The following MTMR8 variants were observed in gnomAD, a reference collection of about 807,000 sequenced individuals.
The protein encoded by MTMR8 is phosphatidylinositol-3,5-bisphosphate 3-phosphatase MTMR8.
MTMR8 carries 65 observed loss-of-function variants against 39.3 expected under a neutral mutation model. The ratio of observed to expected loss-of-function variants is 1.65; its 90% CI spans 1.35 to 2.03. The LOEUF (loss-of-function observed/expected upper bound fraction) is 2.03, where lower values mean the gene tolerates loss of function less well. Among genes scored for constraint, MTMR8 ranks in the 30% most tolerant of loss-of-function variants. The pLI is 0.00. For missense variants in MTMR8, 777 were observed against 538.9 expected, an observed-to-expected ratio of 1.44 and a Z score of -4.37; for synonymous variants, 245 against 185.2, an observed-to-expected ratio of 1.32 and a Z score of -2.62.
chrX:64,353,322 G>T (rs1007732406), intron 4 of MTMR8, among the ~76,000 whole-genome samples: 2 of 111,859 alleles, frequency 1.8e-5, no homozygotes, highest in Admixed American at 9.5e-5. Flanking sequence ...CAGAATAGGA[G>T]AAAATATTTG....
intron 12 of MTMR8, among the ~76,000 whole-genome samples, chrX:64,327,033 C>T (rs1292260126): frequency 9.0e-6 from 1 of 111,206 alleles, no homozygotes; most frequent in Non-Finnish European, 1.9e-5. Context: ...AAAATCAACT[C>T]AAAATGGATT....
intron 3 of MTMR8, among the ~76,000 whole-genome samples, chrX:64,355,464 T>C (rs751610502): frequency 1.8e-5 from 2 of 111,794 alleles, no homozygotes; most frequent in East Asian, 5.7e-4. Flanking sequence ...ATTTGACCAA[T>C]TTATATGGCA....
At chrX:64,318,245 G>A (rs1330171715) in intron 12 of MTMR8, among the ~76,000 whole-genome samples, 1 of 112,187 alleles carries the variant, frequency 8.9e-6, no homozygotes, top group East Asian at 2.8e-4. Context: ...GGGCCATTTG[G>A]GTATTTTGTG....
chrX:64,363,160 G>A (rs1047605481), intron 1 of MTMR8, among the ~76,000 whole-genome samples: 3 of 111,317 alleles, frequency 2.7e-5, no homozygotes, highest in African/African-American at 9.8e-5. Context: ...ATTCGGAAGG[G>A]CAATCTGGCA....
At chrX:64,279,106 G>A (rs769555378) in intron 12 of MTMR8, among the ~76,000 whole-genome samples, 1 of 111,884 alleles carries the variant, frequency 8.9e-6, no homozygotes, top group Non-Finnish European at 1.9e-5. Flanking sequence ...TGTGCTGGGA[G>A]ATCCACTGCT....
intron 1 of MTMR8, among the ~76,000 whole-genome samples, chrX:64,365,254 A>G (rs1047232794): frequency 1.8e-5 from 2 of 111,054 alleles, no homozygotes; most frequent in Non-Finnish European, 3.8e-5. Context: ...CAGGAAACAC[A>G]GAGAACACAA....
In MTMR8 at chrX:64,386,261, T is replaced by C. The variant is rs771275105; in HGVS notation, c.24+9079A>G. ...TTCCCCAATTCATGAATTAGATCTA[T>C]AACTAAATTTTCTTGTAATTTTGTC... On this transcript the variant is annotated intron_variant, in intron 1 of 13. Transcript: ENST00000374852. Among the ~76,000 whole-genome samples, 4 of 112,107 alleles carry C rather than the reference T, an allele frequency of 3.6e-5. No individual in the cohort carries two copies. In the East Asian group the frequency reaches 8.4e-4, roughly 24 times the overall value.
intron 12 of MTMR8, among the ~76,000 whole-genome samples, chrX:64,309,935 C>T (rs996960774): frequency 4.5e-4 from 50 of 111,784 alleles, no homozygotes; most frequent in African/African-American, 1.5e-3. Context: ...AGTCTTGCCT[C>T]GACGTTGATG....
chrX:64,371,642 G>A (rs1436145964), intron 1 of MTMR8, among the ~76,000 whole-genome samples: 1 of 111,018 alleles, frequency 9.0e-6, no homozygotes, highest in Non-Finnish European at 1.9e-5. Flanking sequence ...GAACATATAA[G>A]TATGAACCAG....
chrX:64,270,014 T>C (rs1026585448), intron 13 of MTMR8, among the ~76,000 whole-genome samples: 1 of 110,777 alleles, frequency 9.0e-6, no homozygotes, highest in Non-Finnish European at 1.9e-5. Context: ...GCACCTTCCC[T>C]GGCCTTGTGG....
chrX:64,295,725 A>C (rs922329308), intron 12 of MTMR8, among the ~76,000 whole-genome samples: 1 of 111,759 alleles, frequency 8.9e-6, no homozygotes, highest in Admixed American at 9.6e-5. Flanking sequence ...GCCACTAGTC[A>C]TAAGGAAAAT....
chrX:64,320,752 T>A (rs1922616268), intron 12 of MTMR8, among the ~76,000 whole-genome samples: 1 of 111,199 alleles, frequency 9.0e-6, no homozygotes, highest in South Asian at 3.8e-4. Flanking sequence ...TCAGACCTAT[T>A]CTCAGAAAAT....
chrX:64,381,861 A>G (rs750549984), intron 1 of MTMR8, among the ~76,000 whole-genome samples: 2 of 111,840 alleles, frequency 1.8e-5, no homozygotes, highest in East Asian at 2.8e-4. Flanking sequence ...TAAATAGGGA[A>G]TTGTTTCCCC....
intron 4 of MTMR8, among the ~76,000 whole-genome samples, chrX:64,353,603 A>T (rs1054722372): frequency 5.4e-5 from 6 of 111,958 alleles, no homozygotes. Context: ...ACTGGTGAGG[A>T]TATGGAGAAA....
intron 10 of MTMR8, 25 bp from the exon 11 acceptor site, chrX:64,331,782 G>GA (rs772419222): frequency 1.1e-5 from 12 of 1,124,984 alleles, no homozygotes; most frequent in African/African-American, 1.8e-5. Flanking sequence ...TAAAGGTAAA[G>GA]AAAGACACTA....
chrX:64,345,631 G>C (rs937942368), intron 6 of MTMR8, among the ~76,000 whole-genome samples: 2 of 111,528 alleles, frequency 1.8e-5, no homozygotes, highest in Non-Finnish European at 3.8e-5. Context: ...TTATTTAAGA[G>C]ACAGTGTCTC....
chrX:64,291,178 CT>C (rs762529804), intron 12 of MTMR8, among the ~76,000 whole-genome samples: 1 of 111,458 alleles, frequency 9.0e-6, no homozygotes, highest in East Asian at 2.8e-4. Context: ...CAAAAGCCTG[CT>C]AGTACCAAAC....
chrX:64,276,435 T>C (rs1251382677), intron 12 of MTMR8, among the ~76,000 whole-genome samples: 1 of 111,549 alleles, frequency 9.0e-6, no homozygotes, highest in Non-Finnish European at 1.9e-5. Flanking sequence ...ACTATAAATT[T>C]CCCTCTAAAC....
At chrX:64,388,382 C>T (rs1035397457) in intron 1 of MTMR8, among the ~76,000 whole-genome samples, 13 of 111,813 alleles carry the variant, frequency 1.2e-4, no homozygotes, top group African/African-American at 4.2e-4. Context: ...ATTTAGGTCT[C>T]TTCTTTAAAG....
Sources: gnomAD v4.1 joint callset for allele counts (sites outside exome capture counted in the v4.1 genomes callset) on GRCh38, gnomAD v4.1.1 for gene constraint, MANE v1.5 for transcripts, NCBI Gene and HGNC (gene_info 2026-07-23, HGNC 2026-07-21) for gene names.